Variants in RGS6 observed in about 807,000 individuals in gnomAD.
The protein encoded by RGS6 is regulator of G-protein signaling 6.
RGS6 carries 30 observed loss-of-function variants against 78.5 expected under a neutral mutation model. That is an observed-to-expected ratio of 0.38 (90% CI 0.29 to 0.52). RGS6 has a LOEUF of 0.52. Ranked by LOEUF, RGS6 falls within the 20% of genes least tolerant of loss-of-function variation. The pLI is 0.85. For missense variants in RGS6, 495 were observed against 609.7 expected (o/e 0.81, Z 1.98); for synonymous variants, 206 against 206.0 (o/e 1.00, Z 0.00).
At chr14:72,410,395 G>A (rs1435699973) in intron 3 of RGS6, among the ~76,000 whole-genome samples, 1 of 152,250 alleles carries the variant, frequency 6.6e-6, no homozygotes, top group East Asian at 1.9e-4. Context: ...CATATCCTTT[G>A]CCCACTTGTT....
the RGS6 span, among the ~76,000 whole-genome samples, chr14:72,591,711 A>G: frequency 6.6e-6 from 1 of 152,246 alleles, no homozygotes; most frequent in Non-Finnish European, 1.5e-5. Flanking sequence ...CAGAGGATGC[A>G]GGTACTCTCA....
At chr14:72,286,448 A>G (rs941497066) in intron 2 of RGS6, among the ~76,000 whole-genome samples, 2 of 151,992 alleles carry the variant, frequency 1.3e-5, no homozygotes, top group Non-Finnish European at 2.9e-5. Flanking sequence ...AGTGTGATGC[A>G]TCCATTTTTG....
At chr14:72,476,957 C>G in intron 11 of RGS6, 117 bp downstream of exon 11, 1 of 844,658 alleles carries the variant, frequency 1.2e-6, no homozygotes, top group Non-Finnish European at 1.9e-6. Flanking sequence ...CACAGTGGAA[C>G]CCAGCTGTGG....
chr14:72,277,108 C>T (rs1222371089), intron 2 of RGS6, among the ~76,000 whole-genome samples: 2 of 152,152 alleles, frequency 1.3e-5, no homozygotes, highest in Non-Finnish European at 2.9e-5. Flanking sequence ...TCCCAGAGTC[C>T]ACTTTCTCTC....
At chr14:72,135,885 AGAG>A (rs935953702) in intron 2 of RGS6, among the ~76,000 whole-genome samples, 2 of 151,846 alleles carry the variant, frequency 1.3e-5, no homozygotes, top group Non-Finnish European at 1.5e-5. Flanking sequence ...GAGGAGGAGG[AGAG>A]GAGGAGGGGA....
intron 2 of RGS6, among the ~76,000 whole-genome samples, chr14:72,012,832 G>A (rs553890453): frequency 6.6e-6 from 1 of 152,192 alleles, no homozygotes; most frequent in East Asian, 1.9e-4. Context: ...GTAAACTGGG[G>A]GAAACACTAA....
intron 2 of RGS6, among the ~76,000 whole-genome samples, chr14:72,127,030 G>A (rs924765084): frequency 2.6e-5 from 4 of 152,000 alleles, no homozygotes; most frequent in African/African-American, 7.3e-5. Context: ...AATTGTTTTA[G>A]GTTTTATTAC....
chr14:72,416,940 A>C (rs893742646), intron 3 of RGS6, among the ~76,000 whole-genome samples: 1 of 152,228 alleles, frequency 6.6e-6, no homozygotes, highest in Non-Finnish European at 1.5e-5. Flanking sequence ...ATTGGTGTGT[A>C]TAAAACACTT....
chr14:72,470,003 T>C lies in RGS6; in HGVS notation c.460-4T>C. The stretch of plus-strand genomic sequence containing the variant: ...CCGCCTTGTTGATTTTCATTTCTCA[T>C]TAGGAAAACTTAGCAAGACTCCAGA... On this transcript the variant is annotated splice_polypyrimidine_tract_variant and splice_region_variant and intron_variant, in intron 7 of 17. Transcript: ENST00000553525. 2 of 1,608,482 alleles carry C rather than the reference T, an allele frequency of 1.2e-6. No individual in the cohort carries two copies. Among genetic ancestry groups the C allele is most frequent in the South Asian group, 1.1e-5 (1 of 90,806 alleles).
the RGS6 span, among the ~76,000 whole-genome samples, chr14:71,898,775 T>C: frequency 6.6e-6 from 1 of 152,146 alleles, no homozygotes; most frequent in Non-Finnish European, 1.5e-5. Context: ...TTTGGTTTTC[T>C]GTTCCTGTGT....
At chr14:72,526,862 C>T (rs1356780463) in intron 15 of RGS6, among the ~76,000 whole-genome samples, 1 of 152,248 alleles carries the variant, frequency 6.6e-6, no homozygotes, top group Non-Finnish European at 1.5e-5. Flanking sequence ...TTCAAGTCCT[C>T]ACCACTGTGC....
At chr14:72,591,559 AT>A in the RGS6 span, among the ~76,000 whole-genome samples, 3 of 152,208 alleles carry the variant, frequency 2.0e-5, no homozygotes, top group African/African-American at 4.8e-5. Context: ...CACTTGTGGC[AT>A]TAAGGGAACT....
intron 2 of RGS6, among the ~76,000 whole-genome samples, chr14:72,175,605 A>G (rs1389321062): frequency 6.6e-6 from 1 of 152,172 alleles, no homozygotes; most frequent in African/African-American, 2.4e-5. Context: ...TTGGTTGAGG[A>G]GATTGTAAAC....
intron 2 of RGS6, among the ~76,000 whole-genome samples, chr14:72,244,436 C>T (rs1264402652): frequency 3.9e-5 from 6 of 152,130 alleles, no homozygotes; most frequent in Admixed American, 3.3e-4. Context: ...TATACCTTAG[C>T]CTGGGCTTCC....
intron 2 of RGS6, among the ~76,000 whole-genome samples, chr14:72,091,990 A>G (rs2095282100): frequency 7.0e-6 from 1 of 142,208 alleles, no homozygotes; most frequent in Non-Finnish European, 1.5e-5. Flanking sequence ...GTAATTAGCT[A>G]TAGCTTCAGC....
At chr14:72,426,714 A>G (rs2094447641) in intron 3 of RGS6, among the ~76,000 whole-genome samples, 1 of 152,230 alleles carries the variant, frequency 6.6e-6, no homozygotes, top group Admixed American at 6.5e-5. Context: ...TTATGATTTG[A>G]TGAAGTCTCT....
At chr14:72,468,077 T>C (rs891932246) in intron 7 of RGS6, among the ~76,000 whole-genome samples, 2 of 152,220 alleles carry the variant, frequency 1.3e-5, no homozygotes, top group Non-Finnish European at 2.9e-5. Flanking sequence ...TGTCCCTTAA[T>C]GTTCTGCTCT....
chr14:71,872,116 G>A, the RGS6 span, among the ~76,000 whole-genome samples: 2 of 152,106 alleles, frequency 1.3e-5, no homozygotes, highest in Non-Finnish European at 2.9e-5. Flanking sequence ...TTAGACAGAA[G>A]TTGATTCAAT....
intron 12 of RGS6, among the ~76,000 whole-genome samples, chr14:72,485,755 G>A (rs2153384291): frequency 6.6e-6 from 1 of 152,354 alleles, no homozygotes; most frequent in Admixed American, 6.5e-5. Context: ...GGGAAAGGCA[G>A]CAATGCTACT....
Sources: allele counts gnomAD v4.1 joint callset (sites outside exome capture counted in the v4.1 genomes callset), GRCh38; gene constraint gnomAD v4.1.1; transcripts MANE v1.5; gene names NCBI Gene and HGNC (gene_info 2026-07-23, HGNC 2026-07-21).